BTRC: variants seen among roughly 807,000 people sequenced by gnomAD.
BTRC encodes the protein F-box/WD repeat-containing protein 1A.
In BTRC, 42 loss-of-function variants were observed where a neutral mutation model predicts 85.5. The ratio of observed to expected loss-of-function variants is 0.49; its 90% CI spans 0.38 to 0.64. The LOEUF (loss-of-function observed/expected upper bound fraction) is 0.64. Among genes scored for constraint, BTRC ranks in the 30% least tolerant of loss-of-function variants. The pLI is 0.00. For synonymous variants in BTRC, 255 were observed against 263.3 expected (o/e 0.97, Z 0.30); for missense variants, 594 against 743.5 (o/e 0.80, Z 2.34).
chr10:101,430,621 A>AC (rs1463528574), intron 2 of BTRC, among the ~76,000 whole-genome samples, 169 bp downstream of exon 2: 1 of 152,154 alleles, frequency 6.6e-6, no homozygotes, highest in Non-Finnish European at 1.5e-5. Flanking sequence ...TATAATGTAG[A>AC]CCCAGACTGA....
intron 1 of BTRC, among the ~76,000 whole-genome samples, chr10:101,381,814 T>G (rs564474957): frequency 6.6e-6 from 1 of 152,194 alleles, no homozygotes; most frequent in South Asian, 2.1e-4. Context: ...ATATTTTACC[T>G]TCTGCATGTA....
chr10:101,480,902 C>G (rs1443981065), intron 4 of BTRC, among the ~76,000 whole-genome samples: 1 of 151,946 alleles, frequency 6.6e-6, no homozygotes. Flanking sequence ...CTAATTGACC[C>G]TATTTTATTT....
intron 4 of BTRC, among the ~76,000 whole-genome samples, chr10:101,492,884 G>T (rs1414058620): frequency 6.6e-6 from 1 of 152,122 alleles, no homozygotes; most frequent in South Asian, 2.1e-4. Context: ...TCTAGCCTGG[G>T]ACACTAGAGG....
chr10:101,536,520 C>T (rs375928098), intron 11 of BTRC, 23 bp from the exon 12 acceptor site: 84 of 1,552,488 alleles, frequency 5.4e-5, no homozygotes, highest in Non-Finnish European at 7.1e-5. Flanking sequence ...TGAAAATTCA[C>T]CTGACTTAAT....
At chr10:101,414,463 TAAAC>T (rs1015052117) in intron 1 of BTRC, among the ~76,000 whole-genome samples, 27 of 152,198 alleles carry the variant, frequency 1.8e-4, no homozygotes, top group Admixed American at 1.4e-3. Flanking sequence ...TACTTGATAA[TAAAC>T]AACTATGTTA....
At position 101,479,391 on chromosome 10, in the gene BTRC, C is replaced by G. The variant is rs1945778611; in HGVS notation, c.258C>G (p.Leu86=). The G allele has an allele frequency of 6.2e-7, 1 of 1,613,312 alleles. No individual in the cohort carries two copies. The highest frequency in any genetic ancestry group is 8.5e-7 in the Non-Finnish European group (1 of 1,179,474). ...AGACATACAACAGCTGTGCCAGACT[C>G]TGCTTAAACCAAGAAACAGTATGTT... ...LRQTYNSCAR[L]CLNQETVCLA... Residue 86 remains leucine, a synonymous_variant, in exon 4 of 15, where the codon CTC becomes CTG. Coordinates refer to ENST00000370187, the MANE Select transcript of BTRC (RefSeq NM_033637.4).
Position 101,531,265 on chromosome 10 carries a change from C to T in BTRC, c.772C>T (p.Pro258Ser), listed in dbSNP as rs1219599216. ...ACAGTATTTATTCAAAAACAAACCT[C>T]CTGACGGGAATGCTCCTCCCAACTC... ...WGQYLFKNKP[P>S]DGNAPPNSFY... is the part of the protein sequence containing the mutation. Residue 258 changes from proline to serine, a missense_variant, in exon 7 of 15, where the codon CCT becomes TCT. Physicochemically the swap from Pro to Ser is moderately conservative, Grantham distance 74 (BLOSUM62 -1). This residue lies in a region of BTRC where 373 missense variants were observed against 503.6 expected (regional missense o/e 0.74). Transcript: ENST00000370187. The T allele has an allele frequency of 2.5e-6, 4 of 1,609,698 alleles. No individual in the cohort carries two copies. The highest frequency in any genetic ancestry group is 3.4e-6 in the Non-Finnish European group (4 of 1,176,118).
In BTRC at chr10:101,557,134, A is replaced by G. The variant is rs376063016; in HGVS notation, c.*4011A>G. ...TTCCCCGAGAGCTTTCAGCTGGTTC[A>G]CCTCTTTGTTCTCTAGACTCTTAAG... On this transcript the variant is annotated 3_prime_UTR_variant, in exon 15 of 15. Coordinates refer to ENST00000370187, the MANE Select transcript of BTRC (RefSeq NM_033637.4). 1 of 152,070 alleles carries G rather than the reference A, an allele frequency of 6.6e-6. No individual in the cohort carries two copies. Among genetic ancestry groups the G allele is most frequent in the East Asian group, 1.9e-4 (1 of 5,184 alleles). 9.4% of individuals were successfully genotyped at this position (152,070 alleles called of 1,614,324 possible).
chr10:101,397,865 G>GT (rs1943403414), intron 1 of BTRC, among the ~76,000 whole-genome samples: 1 of 152,184 alleles, frequency 6.6e-6, no homozygotes, highest in Non-Finnish European at 1.5e-5. Flanking sequence ...TAAACATCCT[G>GT]TAAGTGTGAA....
intron 3 of BTRC, among the ~76,000 whole-genome samples, chr10:101,474,176 G>C (rs890478809): frequency 6.6e-5 from 10 of 151,782 alleles, no homozygotes; most frequent in African/African-American, 2.4e-4. Context: ...AGTAATTTTT[G>C]ATCATATAAC....
intron 3 of BTRC, among the ~76,000 whole-genome samples, chr10:101,467,680 T>G (rs1945416469): frequency 6.6e-6 from 1 of 152,066 alleles, no homozygotes; most frequent in Non-Finnish European, 1.5e-5. Context: ...CCTCCTAAAG[T>G]GCTTTGGGCT....
chr10:101,475,816 A>G (rs1945662878), intron 3 of BTRC, among the ~76,000 whole-genome samples: 2 of 150,680 alleles, frequency 1.3e-5, no homozygotes, highest in South Asian at 4.2e-4. Context: ...ATTAGAATAC[A>G]CAGTAAAAAT....
At chr10:101,354,921 G>A (rs1941990836) in intron 1 of BTRC, among the ~76,000 whole-genome samples, 1 of 152,148 alleles carries the variant, frequency 6.6e-6, no homozygotes, top group Non-Finnish European at 1.5e-5. Context: ...TCCCTGGGAG[G>A]GGAAAAGGGT....
chr10:101,418,670 T>C (rs528641392), intron 1 of BTRC, among the ~76,000 whole-genome samples: 13 of 152,146 alleles, frequency 8.5e-5, no homozygotes, highest in Admixed American at 2.0e-4. Context: ...TCCCTGGCTG[T>C]ATTGCTGTAT....
rs1554862295 is a variant in BTRC at position 101,366,949 on chromosome 10, T to TATATATATTA, written c.48+12729_48+12730insTAATATATAT. 8.4e-4 allele frequency among the ~76,000 whole-genome samples: 33 copies of TATATATATTA among 39,496 alleles called. 5 individuals carry two copies. Among genetic ancestry groups the TATATATATTA allele is most frequent in the African/African-American group, 2.6e-3 (33 of 12,872 alleles). The allele number at this position is 39,496 out of a possible 152,430, so 25.9% of individuals were successfully genotyped here. A position where few individuals can be genotyped will look rare whatever the true frequency, so the allele number is the denominator to read the frequency against. ...ATATTTATATATATTTATATATATT[T>TATATATATTA]ATATATATATTTATATAAATATATA... On this transcript the variant is annotated intron_variant, in intron 1 of 14. Coordinates refer to ENST00000370187, the MANE Select transcript of BTRC (RefSeq NM_033637.4).
intron 1 of BTRC, among the ~76,000 whole-genome samples, chr10:101,366,038 A>T (rs183757247): frequency 6.6e-6 from 1 of 152,002 alleles, no homozygotes; most frequent in African/African-American, 2.4e-5. Context: ...CTTTCAGTTC[A>T]TGTTAATTTC....
chr10:101,438,222 T>C lies in BTRC; in HGVS notation c.156+7770T>C, dbSNP rs192295060. Reference sequence around the variant, plus strand: ...AGGGCAGATCACAAAGTCAGGAGATTGAGACCATCCTGGCTAATGCGGTGA... The same window carrying C: ...AGGGCAGATCACAAAGTCAGGAGATCGAGACCATCCTGGCTAATGCGGTGA... On this transcript the variant is annotated intron_variant, in intron 2 of 14. Coordinates refer to ENST00000370187, the MANE Select transcript of BTRC (RefSeq NM_033637.4). Among the ~76,000 whole-genome samples the C allele has an allele frequency of 2.2e-4, 34 of 151,960 alleles. No homozygotes were observed. In the East Asian group the frequency reaches 3.7e-3, roughly 16 times the overall value.
chr10:101,435,996 A>C (rs1248384540), intron 2 of BTRC, among the ~76,000 whole-genome samples: 2 of 152,192 alleles, frequency 1.3e-5, no homozygotes, highest in Non-Finnish European at 2.9e-5. Context: ...CCAGTAGCTC[A>C]AATTGAAACC....
intron 13 of BTRC, among the ~76,000 whole-genome samples, chr10:101,545,269 C>T (rs1447832951): frequency 2.6e-5 from 4 of 151,720 alleles, no homozygotes; most frequent in Non-Finnish European, 5.9e-5. Flanking sequence ...TTGTATTTTT[C>T]CTACTTCACA....
Sources: gnomAD v4.1 joint callset for allele counts (sites outside exome capture counted in the v4.1 genomes callset) on GRCh38, gnomAD v4.1.1 for gene constraint, gnomAD v4.1.1 regional missense constraint, MANE v1.5 for transcripts, NCBI Gene and HGNC (gene_info 2026-07-23, HGNC 2026-07-21) for gene names.